Variants in ASPDH observed in about 807,000 individuals in gnomAD.
ASPDH encodes the protein aspartate dehydrogenase domain-containing protein.
In ASPDH, 25 loss-of-function variants were observed where a neutral mutation model predicts 30.5. The ratio of observed to expected loss-of-function variants is 0.82; its 90% CI spans 0.60 to 1.14. The LOEUF (loss-of-function observed/expected upper bound fraction) is 1.14, where lower values mean the gene tolerates loss of function less well. Among genes scored for constraint, ASPDH ranks in the 50% most tolerant of loss-of-function variants. The pLI, the probability that ASPDH is intolerant of heterozygous loss-of-function variation, is 0.00. For missense variants in ASPDH, 401 were observed against 381.5 expected (o/e 1.05, Z -0.43); for synonymous variants, 168 against 156.3 (o/e 1.07, Z -0.56).
chr19:50,514,685 G>A (rs1014965167), upstream of ASPDH: 32 of 1,510,440 alleles, frequency 2.1e-5, no homozygotes, highest in South Asian at 1.4e-4. Context: ...CGCAGGCTGC[G>A]GCAGCGCAGG....
At chr19:50,514,983 C>G (rs1225137301), upstream of ASPDH, 5 of 985,288 alleles carry the variant, frequency 5.1e-6, no homozygotes, top group Non-Finnish European at 4.8e-6. Context: ...GATGAGATGC[C>G]TGGGTGTAGA....
chr19:50,513,975 G>A (rs1353159629), upstream of ASPDH: 4 of 933,950 alleles, frequency 4.3e-6, no homozygotes, highest in Non-Finnish European at 6.3e-6. This position sits in a 1 kb window ranked among gnomAD's most constrained non-coding sequence, Gnocchi z 4.9. Flanking sequence ...GGGGGCGTGG[G>A]CCTGCGGGAG....
intron 6 of ASPDH, 168 bp downstream of exon 6, chr19:50,511,968 A>G (rs1457324480): frequency 3.6e-6 from 2 of 558,294 alleles, no homozygotes; most frequent in African/African-American, 3.6e-5. Flanking sequence ...GGAGACATCT[A>G]CAGTGCCAGG....
rs1317851458 is a variant in ASPDH at position 50,512,310 on chromosome 19, C to G, written c.654-20G>C. 1 of 1,613,852 alleles carries G rather than the reference C, an allele frequency of 6.2e-7. No homozygotes were observed. Among genetic ancestry groups the G allele is most frequent in the South Asian group, 1.1e-5 (1 of 91,076 alleles). ...GTGAGGCTGGGACAAGAGGGGCAGT[C>G]AGTCTGGAGAGCCTGGACTCAGCCC... is the stretch of plus-strand genomic sequence containing the variant. On this transcript the variant is annotated intron_variant, in intron 5 of 6. Transcript: ENST00000389208.
Position 50,511,645 on chromosome 19 carries a change from C to T in ASPDH, c.*85G>A. ...ATCTTTACTGAGTCAGAAGGGAGAC[C>T]CTGGGGAAGTGGGGCAGGGCAGGGG... On this transcript the variant is annotated 3_prime_UTR_variant, in exon 7 of 7. Coordinates refer to ENST00000389208, the MANE Select transcript of ASPDH (RefSeq NM_001114598.2). The T allele has an allele frequency of 1.2e-6, 1 of 823,154 alleles. No individual in the cohort carries two copies. The highest frequency in any genetic ancestry group is 1.7e-6 in the Non-Finnish European group (1 of 587,500). The allele number at this position is 823,154 out of a possible 1,614,324, so 51.0% of individuals were successfully genotyped here.
rs1465663745 is a variant in ASPDH, at chr19:50,511,616, G to C, written c.*114C>G. 2 of 561,912 alleles carry C rather than the reference G, an allele frequency of 3.6e-6. No homozygotes were observed. The highest frequency in any genetic ancestry group is 5.7e-6 in the Non-Finnish European group (2 of 351,050). The allele number at this position is 561,912 out of a possible 1,614,324, so 34.8% of individuals were successfully genotyped here. A position where few individuals can be genotyped will look rare whatever the true frequency, so the allele number is the denominator to read the frequency against. On this transcript the variant is annotated 3_prime_UTR_variant, in exon 7 of 7. Coordinates refer to ENST00000389208, the MANE Select transcript of ASPDH (RefSeq NM_001114598.2). Reference sequence around the variant, plus strand: ...GCCAGGCGGTGCGGGGGGAGGCAGCGGTGATCTTTACTGAGTCAGAAGGGA... The same window carrying C: ...GCCAGGCGGTGCGGGGGGAGGCAGCCGTGATCTTTACTGAGTCAGAAGGGA...
rs1355597587 is a variant in ASPDH, at chr19:50,511,952, A to ACAGAGACTCAGGGGACGCGGACT, written c.809-180_809-179insAGTCCGCGTCCCCTGAGTCTCTG. The stretch of plus-strand genomic sequence containing the variant: ...GAGAGAGTCTCGATCAGAGGCGGGC[A>ACAGAGACTCAGGGGACGCGGACT]CAAATGGAGACATCTACAGTGCCAG... On this transcript the variant is annotated intron_variant, in intron 6 of 6. Coordinates refer to ENST00000389208, the MANE Select transcript of ASPDH (RefSeq NM_001114598.2). 6 of 698,494 alleles carry ACAGAGACTCAGGGGACGCGGACT rather than the reference A, an allele frequency of 8.6e-6. No individual in the cohort carries two copies. The Admixed American group carries it at 2.0e-4, about 23-fold the overall frequency. 43.3% of individuals were successfully genotyped at this position (698,494 alleles called of 1,614,324 possible). A position where few individuals can be genotyped will look rare whatever the true frequency, so the allele number is the denominator to read the frequency against.
Position 50,512,112 on chromosome 19 carries a change from C to T in ASPDH, c.808+24G>A, listed in dbSNP as rs766564917. Reference sequence around the variant, plus strand: ...TCTGCAGAACACAGGAGCCCAGGGCCGGGGGAGAGGGGCCTGGCCGCACCC... The same window carrying T: ...TCTGCAGAACACAGGAGCCCAGGGCTGGGGGAGAGGGGCCTGGCCGCACCC... On this transcript the variant is annotated intron_variant, in intron 6 of 6. Coordinates refer to ENST00000389208, the MANE Select transcript of ASPDH (RefSeq NM_001114598.2). The T allele has an allele frequency of 2.0e-6, 3 of 1,515,610 alleles. No individual in the cohort carries two copies. The African/African-American group carries it at 4.2e-5, about 21-fold the overall frequency. 93.9% of individuals were successfully genotyped at this position (1,515,610 alleles called of 1,614,324 possible). A position where few individuals can be genotyped will look rare whatever the true frequency, so the allele number is the denominator to read the frequency against.
Position 50,512,224 on chromosome 19 carries a change from A to G in ASPDH, c.720T>C (p.Phe240=). ...SGPRGPTGRS[F]AVHTRRENPA... is the part of the protein sequence containing the mutation. ...GGTTCTCTCTGCGGGTGTGCACAGC[A>G]AAGCTTCGGCCCGTGGGGCCCCGGG... is the stretch of plus-strand genomic sequence containing the variant. Residue 240 remains phenylalanine, a synonymous_variant, in exon 6 of 7, where the codon TTT becomes TTC. Transcript: ENST00000389208. The G allele has an allele frequency of 1.2e-6, 2 of 1,611,880 alleles. No homozygotes were observed. The highest frequency in any genetic ancestry group is 1.7e-6 in the Non-Finnish European group (2 of 1,179,596).
chr19:50,512,944 G>A lies in ASPDH; in HGVS notation c.265C>T (p.Arg89Cys), dbSNP rs761936050. The A allele has an allele frequency of 3.6e-5, 58 of 1,613,316 alleles. No homozygotes were observed. In the Admixed American group the frequency reaches 6.0e-4, roughly 17 times the overall value. ...IIHESGAQILRHANLLVGSPS... is the reference protein window; with the variant it reads ...IIHESGAQILCHANLLVGSPS... ...GGGCTTACCAGGAGATTGGCATGGCGCAGGATTTGTGCCCCAGATTCATGG... is the reference window on the plus strand; with the variant it reads ...GGGCTTACCAGGAGATTGGCATGGCACAGGATTTGTGCCCCAGATTCATGG... Residue 89 changes from arginine (R) to cysteine (C), a missense_variant, in exon 3 of 7, where the codon CGC becomes TGC. Transcript: ENST00000389208.
Position 50,512,917 on chromosome 19 carries a change from T to C in ASPDH, c.282+10A>G. On this transcript the variant is annotated intron_variant, in intron 3 of 6. Coordinates refer to ENST00000389208, the MANE Select transcript of ASPDH (RefSeq NM_001114598.2). ...CAGGGCTCTGCGTAAATGGTTGGGG[T>C]GGGGCTTACCAGGAGATTGGCATGG... The C allele has an allele frequency of 1.2e-6, 2 of 1,611,422 alleles. No homozygotes were observed. Among genetic ancestry groups the C allele is most frequent in the Non-Finnish European group, 1.7e-6 (2 of 1,178,644 alleles).
intron 5 of ASPDH, 27 bp from the exon 6 acceptor site, chr19:50,512,317 G>C (rs12976250): frequency 0.26 from 419,423 of 1,613,452 alleles, 55,480 homozygotes; most frequent in Non-Finnish European, 0.27. Context: ...AGTCAGTCTG[G>C]AGAGCCTGGA....
At position 50,513,534 on chromosome 19, in the gene ASPDH, C is replaced by T. The variant is rs1454488041; in HGVS notation, c.53-118G>A. On this transcript the variant is annotated intron_variant, in intron 1 of 6. Transcript: ENST00000389208. The surrounding 1 kb of genome is among the most constrained non-coding windows in gnomAD (Gnocchi z 4.9). ...AGGAGGTGGGGACAGACTCAGATTG[C>T]GGGGTAGGGAGACAGAGATGGGGGC... The T allele has an allele frequency of 8.2e-6, 9 of 1,095,574 alleles. No homozygotes were observed. The highest frequency in any genetic ancestry group is 5.0e-5 in the African/African-American group (3 of 60,514). 67.9% of individuals were successfully genotyped at this position (1,095,574 alleles called of 1,614,324 possible).
upstream of ASPDH, among the ~76,000 whole-genome samples, chr19:50,514,038 C>T (rs1240453764): frequency 6.6e-6 from 1 of 152,218 alleles, no homozygotes; most frequent in Non-Finnish European, 1.5e-5. Flanking sequence ...GGGTCCAGCA[C>T]AGTGAGCATG....
At chr19:50,514,499 C>G (rs369089092), upstream of ASPDH, 10 of 1,614,194 alleles carry the variant, frequency 6.2e-6, no homozygotes, top group East Asian at 1.6e-4. Context: ...ACCTTTCACT[C>G]TGTCCCCCAT....
chr19:50,514,619 G>A (rs1168615734), upstream of ASPDH: 4 of 1,604,266 alleles, frequency 2.5e-6, no homozygotes, highest in Non-Finnish European at 3.4e-6. Context: ...GAGGCCAAGT[G>A]CCCCCAACAT....
Position 50,512,573 on chromosome 19 carries a change from C to G in ASPDH, c.440G>C (p.Arg147Pro), listed in dbSNP as rs1326334601. The change falls in exon 5 of 7, where the codon CGT becomes CCT. Residue 147 changes from arginine to proline, a missense_variant. Physicochemically the swap from Arg to Pro is moderately radical, Grantham distance 103. Coordinates refer to ENST00000389208, the MANE Select transcript of ASPDH (RefSeq NM_001114598.2). ...LDAAGGLRSLRVTMATHPDGF... is the reference protein window; with the variant it reads ...LDAAGGLRSLPVTMATHPDGF... ...ATCGGGGTGTGTGGCCATGGTGACACGAAGGCTCTGGAAGCAAGAGCCCGG... is the reference window on the plus strand; with the variant it reads ...ATCGGGGTGTGTGGCCATGGTGACAGGAAGGCTCTGGAAGCAAGAGCCCGG... 2 of 1,528,700 alleles carry G rather than the reference C, an allele frequency of 1.3e-6. No homozygotes were observed. The highest frequency in any genetic ancestry group is 1.8e-6 in the Non-Finnish European group (2 of 1,142,518). The allele number at this position is 1,528,700 out of a possible 1,614,324, so 94.7% of individuals were successfully genotyped here. A position where few individuals can be genotyped will look rare whatever the true frequency, so the allele number is the denominator to read the frequency against.
chr19:50,513,818 G>T lies in ASPDH; in HGVS notation c.6C>A (p.Ala2=), dbSNP rs1980107140. 2.6e-6 allele frequency: 4 copies of T among 1,550,532 alleles called. No individual in the cohort carries two copies. Among genetic ancestry groups the T allele is most frequent in the Non-Finnish European group, 3.5e-6 (4 of 1,146,770 alleles). M[A]DRGPWRVGVV... ...CGCCCACCCTCCACGGGCCCCTGTC[G>T]GCCATGGCCCTGAGTGCGGTGTCTG... Residue 2 remains alanine, a synonymous_variant, in exon 1 of 7, where the codon GCC becomes GCA. Coordinates refer to ENST00000389208, the MANE Select transcript of ASPDH (RefSeq NM_001114598.2). The surrounding 1 kb of genome is among the most constrained non-coding windows in gnomAD (Gnocchi z 4.9).
chr19:50,511,942 AGAGGC>A (rs1979922180), intron 6 of ASPDH, 169 bp from the exon 7 acceptor site: 2 of 307,370 alleles, frequency 6.5e-6, no homozygotes, highest in African/African-American at 1.2e-4. Context: ...AGTCTCGATC[AGAGGC>A]GGGCACAAAT....
Sources: allele counts gnomAD v4.1 joint callset (sites outside exome capture counted in the v4.1 genomes callset), GRCh38; gene constraint gnomAD v4.1.1; non-coding constraint Gnocchi (gnomAD v3.1); transcripts MANE v1.5; gene names NCBI Gene and HGNC (gene_info 2026-07-23, HGNC 2026-07-21).